GRPEL1: variants seen among roughly 807,000 people sequenced by gnomAD.
The protein encoded by GRPEL1 is grpE protein homolog 1, mitochondrial.
A neutral mutation model predicts 22.1 loss-of-function variants in GRPEL1; 13 were observed. The ratio of observed to expected loss-of-function variants is 0.59; its 90% CI spans 0.38 to 0.94. The LOEUF (loss-of-function observed/expected upper bound fraction) is 0.94. GRPEL1 is among the 40% of genes least tolerant of loss of function. The pLI is 0.00. For synonymous variants in GRPEL1, 109 were observed against 105.3 expected (o/e 1.03, Z -0.21); for missense variants, 289 against 264.6 (o/e 1.09, Z -0.64).
rs749688847 is a variant in GRPEL1 at position 7,068,055 on chromosome 4, C to G, written c.-23G>C. ...CATGACTGCCACTGCCCGTCGCAGT[C>G]GCCGCGCACGCACCAAGCGTGCGTG... On this transcript the variant is annotated 5_prime_UTR_variant, in exon 1 of 4. Coordinates refer to ENST00000264954, the MANE Select transcript of GRPEL1 (RefSeq NM_025196.4). 34 of 1,610,952 alleles carry G rather than the reference C, an allele frequency of 2.1e-5. No individual in the cohort carries two copies. In the Admixed American group the frequency reaches 4.7e-4, roughly 22 times the overall value.
intron 1 of GRPEL1, 151 bp downstream of exon 1, chr4:7,067,820 C>T (rs1724212053): frequency 1.0e-5 from 8 of 762,016 alleles, no homozygotes; most frequent in African/African-American, 1.8e-5. Context: ...CCCAGCGGGG[C>T]GGTCCGCGTC....
chr4:7,060,348 C>A lies in GRPEL1; in HGVS notation c.*514G>T, dbSNP rs1462929082. On this transcript the variant is annotated 3_prime_UTR_variant, in exon 4 of 4. Coordinates refer to ENST00000264954, the MANE Select transcript of GRPEL1 (RefSeq NM_025196.4). The stretch of plus-strand genomic sequence containing the variant: ...AGTGGTCAGTTTCAGCCGCTGTTGA[C>A]TGAAGACAAACGAACTCACTATGTT... The A allele has an allele frequency of 6.5e-6, 1 of 154,506 alleles. No individual in the cohort carries two copies. Among genetic ancestry groups the A allele is most frequent in the East Asian group, 1.9e-4 (1 of 5,224 alleles). 9.6% of individuals were successfully genotyped at this position (154,506 alleles called of 1,614,324 possible).
At chr4:7,066,812 CTG>C (rs774669855) in intron 1 of GRPEL1, among the ~76,000 whole-genome samples, 26 of 152,330 alleles carry the variant, frequency 1.7e-4, no homozygotes, top group Admixed American at 7.8e-4. Flanking sequence ...CCTAGTTACT[CTG>C]AGAGCTATGA....
intron 2 of GRPEL1, among the ~76,000 whole-genome samples, chr4:7,062,779 T>G (rs1236571141): frequency 6.6e-6 from 1 of 152,124 alleles, no homozygotes; most frequent in Non-Finnish European, 1.5e-5. Context: ...CCCAAAGTGC[T>G]GGGATTACAG....
intron 1 of GRPEL1, among the ~76,000 whole-genome samples, chr4:7,065,946 C>CG (rs1560401781): frequency 6.6e-6 from 1 of 151,892 alleles, no homozygotes; most frequent in Non-Finnish European, 1.5e-5. Flanking sequence ...CTCCGCCGCC[C>CG]GGGTTCACGC....
chr4:7,065,178 CA>C (rs1180897122), intron 1 of GRPEL1, among the ~76,000 whole-genome samples: 3 of 151,190 alleles, frequency 2.0e-5, no homozygotes, highest in Admixed American at 6.6e-5. Flanking sequence ...AGAGATCTTG[CA>C]AAAAAAAGGT....
In GRPEL1 at chr4:7,059,322, G is replaced by C. The variant is rs1402353826; in HGVS notation, c.*1540C>G. The stretch of plus-strand genomic sequence containing the variant: ...TAGGTTACGAGTTAAGTGCTTTTTA[G>C]CAACTGCAGCTGTAGTTGAGACGGT... On this transcript the variant is annotated 3_prime_UTR_variant, in exon 4 of 4. Transcript: ENST00000264954. 6.6e-6 allele frequency: 1 copy of C among 152,212 alleles called. No homozygotes were observed. Among genetic ancestry groups the C allele is most frequent in the Admixed American group, 6.5e-5 (1 of 15,282 alleles). 9.4% of individuals were successfully genotyped at this position (152,212 alleles called of 1,614,324 possible).
Position 7,059,381 on chromosome 4 carries a change from T to C in GRPEL1, c.*1481A>G, listed in dbSNP as rs529437079. Reference sequence around the variant, plus strand: ...GCAAACATTCACAGAAATGAGTTGATAAATTACTTTTCTTAGCCTCCATTT... The same window carrying C: ...GCAAACATTCACAGAAATGAGTTGACAAATTACTTTTCTTAGCCTCCATTT... On this transcript the variant is annotated 3_prime_UTR_variant, in exon 4 of 4. Coordinates refer to ENST00000264954, the MANE Select transcript of GRPEL1 (RefSeq NM_025196.4). 8.5e-5 allele frequency: 13 copies of C among 152,346 alleles called. No homozygotes were observed. The East Asian group carries it at 2.5e-3, about 29-fold the overall frequency. 9.4% of individuals were successfully genotyped at this position (152,346 alleles called of 1,614,324 possible). A position where few individuals can be genotyped will look rare whatever the true frequency, so the allele number is the denominator to read the frequency against.
chr4:7,064,998 C>G (rs1283616910), intron 1 of GRPEL1, among the ~76,000 whole-genome samples: 1 of 152,120 alleles, frequency 6.6e-6, no homozygotes, highest in Non-Finnish European at 1.5e-5. Flanking sequence ...CCTAAACTTA[C>G]ATGTCAATGT....
At chr4:7,063,622 T>G (rs1411992197) in intron 2 of GRPEL1, among the ~76,000 whole-genome samples, 1 of 152,214 alleles carries the variant, frequency 6.6e-6, no homozygotes, top group Admixed American at 6.5e-5. Context: ...AGAACTTGAT[T>G]TGTGCCACCT....
At chr4:7,064,459 T>C (rs1724115313) in intron 1 of GRPEL1, 2 of 337,666 alleles carry the variant, frequency 5.9e-6, no homozygotes, top group South Asian at 1.4e-4. Context: ...GATAAACATA[T>C]ATATATTTTT....
At chr4:7,067,904 G>A (rs1724214135) in intron 1 of GRPEL1, 67 bp downstream of exon 1, 3 of 1,521,926 alleles carry the variant, frequency 2.0e-6, no homozygotes, top group African/African-American at 2.7e-5. Flanking sequence ...CCGGGGCCGG[G>A]AAAGGCCCCC....
At chr4:7,062,326 C>T (rs1724058930) in intron 3 of GRPEL1, 59 bp downstream of exon 3, 2 of 802,596 alleles carry the variant, frequency 2.5e-6, no homozygotes, top group Non-Finnish European at 2.1e-6. Flanking sequence ...GCATGGCCTT[C>T]CCCTTCCCCA....
chr4:7,064,212 C>T lies in GRPEL1; in HGVS notation c.74G>A (p.Arg25Gln), dbSNP rs753276386. The change falls in exon 2 of 4, where the codon CGG becomes CAG. Residue 25 changes from arginine to glutamine, a missense_variant. Transcript: ENST00000264954. Reference sequence around the variant, plus strand: ...TTGTTTCGTGGCTGTGCACAACAACCGGGGAGATGGCCTACAGGGAAGTCC... The same window carrying T: ...TTGTTTCGTGGCTGTGCACAACAACTGGGGAGATGGCCTACAGGGAAGTCC... ...ALALSLRPSP[R>Q]LLCTATKQKN... The T allele has an allele frequency of 5.0e-6, 8 of 1,612,140 alleles. No individual in the cohort carries two copies. In the Admixed American group the frequency reaches 6.7e-5, roughly 13 times the overall value.
chr4:7,063,936 C>T, intron 2 of GRPEL1, 125 bp downstream of exon 2: 1 of 1,088,654 alleles, frequency 9.2e-7, no homozygotes, highest in South Asian at 1.9e-5. Context: ...GGGCCCACTG[C>T]AGGCCATGGA....
In GRPEL1 at chr4:7,065,998, C is replaced by T. The variant is rs549662054; in HGVS notation, c.63-1775G>A. Among the ~76,000 whole-genome samples the T allele has an allele frequency of 9.1e-4, 138 of 152,158 alleles. 1 individual carries two copies. Among genetic ancestry groups the T allele is most frequent in the Admixed American group, 7.7e-3 (118 of 15,268 alleles). Reference sequence around the variant, plus strand: ...CCTGCCGAGTAGCTGGGACTATAGGCGTCCACCAACACGCTCGGCTAATTT... The same window carrying T: ...CCTGCCGAGTAGCTGGGACTATAGGTGTCCACCAACACGCTCGGCTAATTT... On this transcript the variant is annotated intron_variant, in intron 1 of 3. Coordinates refer to ENST00000264954, the MANE Select transcript of GRPEL1 (RefSeq NM_025196.4).
Position 7,060,906 on chromosome 4 carries a change from G to A in GRPEL1, c.610C>T (p.Arg204Cys), listed in dbSNP as rs766058514. 1.5e-5 allele frequency: 24 copies of A among 1,614,012 alleles called. No individual in the cohort carries two copies. Among genetic ancestry groups the A allele is most frequent in the East Asian group, 2.2e-5 (1 of 44,894 alleles). Residue 204 changes from arginine (R) to cysteine (C), a missense_variant, in exon 4 of 4, where the codon CGC becomes TGC. By Grantham distance (180) the Arg-to-Cys change is radical. Coordinates refer to ENST00000264954, the MANE Select transcript of GRPEL1 (RefSeq NM_025196.4). Reference sequence around the variant, plus strand: ...CCCACCAGGGCGGGTCTCAGAGTGCGCCCATGCAGCTTGTACCCCACTTTG... The same window carrying A: ...CCCACCAGGGCGGGTCTCAGAGTGCACCCATGCAGCTTGTACCCCACTTTG... ...VSKVGYKLHGRTLRPALVGVV... is the reference protein window; with the variant it reads ...VSKVGYKLHGCTLRPALVGVV...
chr4:7,064,289 G>A, intron 1 of GRPEL1, 66 bp from the exon 2 acceptor site: 1 of 1,509,214 alleles, frequency 6.6e-7, no homozygotes, highest in Non-Finnish European at 9.0e-7. Context: ...TCAGATGTAT[G>A]ACTTTAGAAA....
rs185181200 is a variant in GRPEL1 at position 7,062,734 on chromosome 4, C to T, written c.226-268G>A. 1.4e-4 allele frequency among the ~76,000 whole-genome samples: 22 copies of T among 152,050 alleles called. No homozygotes were observed. In the East Asian group the frequency reaches 3.5e-3, roughly 24 times the overall value. ...TCACCGTGTTAGCCAGGATGGTCTC[C>T]ATCTCCTGACCTTGTGATCCGACCG... On this transcript the variant is annotated intron_variant, in intron 2 of 3. Transcript: ENST00000264954.
Sources: allele counts gnomAD v4.1 joint callset (sites outside exome capture counted in the v4.1 genomes callset), GRCh38; gene constraint gnomAD v4.1.1; transcripts MANE v1.5; gene names NCBI Gene and HGNC (gene_info 2026-07-23, HGNC 2026-07-21).